BRIP1: variants seen among roughly 807,000 people sequenced by gnomAD.
BRIP1 encodes BRCA1 interacting DNA helicase 1.
BRIP1 carries 88 observed loss-of-function variants against 119.7 expected under a neutral mutation model. The ratio of observed to expected loss-of-function variants is 0.74; its 90% CI spans 0.62 to 0.88. The LOEUF is 0.88. Among genes scored for constraint, BRIP1 ranks in the 40% least tolerant of loss-of-function variants. The pLI is 0.00. For missense variants in BRIP1, 1,259 were observed against 1,455.4 expected, an observed-to-expected ratio of 0.87 and a Z score of 2.20; for synonymous variants, 443 against 496.5, an observed-to-expected ratio of 0.89 and a Z score of 1.43.
In BRIP1 at chr17:61,693,311, T is replaced by C; in HGVS notation, c.2575+119A>G. 1.1e-6 allele frequency: 1 copy of C among 918,404 alleles called. No individual in the cohort carries two copies. Among genetic ancestry groups the C allele is most frequent in the Non-Finnish European group, 1.8e-6 (1 of 570,062 alleles). 56.9% of individuals were successfully genotyped at this position (918,404 alleles called of 1,614,324 possible). A position where few individuals can be genotyped will look rare whatever the true frequency, so the allele number is the denominator to read the frequency against. On this transcript the variant is annotated intron_variant, in intron 18 of 19. Coordinates refer to ENST00000259008, the MANE Select transcript of BRIP1 (RefSeq NM_032043.3). This position sits in a 1 kb window ranked among gnomAD's most constrained non-coding sequence, Gnocchi z 4.2. Reference sequence around the variant, plus strand: ...CTGCTGTGAAATACTGTGCTTATAGTTAACAATATTGTACTGTGCACTTAA... The same window carrying C: ...CTGCTGTGAAATACTGTGCTTATAGCTAACAATATTGTACTGTGCACTTAA...
In BRIP1 at chr17:61,746,824, C is replaced by G. The variant is rs957648770; in HGVS notation, c.2098-2233G>C. Among the ~76,000 whole-genome samples, 4 of 152,038 alleles carry G rather than the reference C, an allele frequency of 2.6e-5. No individual in the cohort carries two copies. The highest frequency in any genetic ancestry group is 5.9e-5 in the Non-Finnish European group (4 of 67,970). ...ACAAGGAAACGGAACTTGAACAATA[C>G]TAGAGACCAGATGGACCTGACATAT... is the stretch of plus-strand genomic sequence containing the variant. On this transcript the variant is annotated intron_variant, in intron 14 of 19. Coordinates refer to ENST00000259008, the MANE Select transcript of BRIP1 (RefSeq NM_032043.3). This position sits in a 1 kb window ranked among gnomAD's most constrained non-coding sequence, Gnocchi z 4.9.
chr17:61,858,979 T>C (rs2078936341), intron 3 of BRIP1, among the ~76,000 whole-genome samples: 4 of 150,622 alleles, frequency 2.7e-5, no homozygotes, highest in South Asian at 2.1e-4. Flanking sequence ...GAGAATCACT[T>C]GAGCCTGGGA....
chr17:61,716,258 T>C (rs2061861346), intron 16 of BRIP1, among the ~76,000 whole-genome samples, 195 bp from the exon 17 acceptor site: 1 of 152,094 alleles, frequency 6.6e-6, no homozygotes, highest in Admixed American at 6.5e-5. Flanking sequence ...CTAATGCATA[T>C]AACTAATCAG....
rs545685244 is a variant in BRIP1 at position 61,687,974 on chromosome 17, T to C, written c.2576-1809A>G. On this transcript the variant is annotated intron_variant, in intron 18 of 19. Transcript: ENST00000259008. The surrounding 1 kb of genome is among the most constrained non-coding windows in gnomAD (Gnocchi z 5.1). The stretch of plus-strand genomic sequence containing the variant: ...CAGGGGCCACTAAGAACAAAAGCGC[T>C]GTGCAGCAAGTTTCTGCTCCACAGG... Among the ~76,000 whole-genome samples the C allele has an allele frequency of 1.3e-4, 20 of 152,312 alleles. No individual in the cohort carries two copies. In the East Asian group the frequency reaches 3.5e-3, roughly 26 times the overall value.
At chr17:61,801,815 A>T (rs1241302724) in intron 7 of BRIP1, among the ~76,000 whole-genome samples, 5 of 152,202 alleles carry the variant, frequency 3.3e-5, no homozygotes, top group African/African-American at 1.2e-4. Flanking sequence ...AAGGATTCAC[A>T]AAACAATGGT....
rs1430032759 is a variant in BRIP1, at chr17:61,753,694, T to C, written c.2098-9103A>G. Among the ~76,000 whole-genome samples, 2 of 151,742 alleles carry C rather than the reference T, an allele frequency of 1.3e-5. No homozygotes were observed. Among genetic ancestry groups the C allele is most frequent in the African/African-American group, 4.8e-5 (2 of 41,302 alleles). ...ACAGCTCATTGTAGCCTCACATTCC[T>C]GGGCTCAAGCGATCCTCCCACCTCA... On this transcript the variant is annotated intron_variant, in intron 14 of 19. Coordinates refer to ENST00000259008, the MANE Select transcript of BRIP1 (RefSeq NM_032043.3). The surrounding 1 kb of genome is among the most constrained non-coding windows in gnomAD (Gnocchi z 4.6).
chr17:61,756,925 T>G lies in BRIP1; in HGVS notation c.2098-12334A>C, dbSNP rs1236890943. On this transcript the variant is annotated intron_variant, in intron 14 of 19. Transcript: ENST00000259008. This position sits in a 1 kb window ranked among gnomAD's most constrained non-coding sequence, Gnocchi z 4.3. ...GCCAGTACTCAAGTCTTAATGCTTTTAATAGGCCTGCCTAAACAGACTACC... is the reference window on the plus strand; with the variant it reads ...GCCAGTACTCAAGTCTTAATGCTTTGAATAGGCCTGCCTAAACAGACTACC... 3.9e-5 allele frequency among the ~76,000 whole-genome samples: 6 copies of G among 152,248 alleles called. No individual in the cohort carries two copies. Among genetic ancestry groups the G allele is most frequent in the African/African-American group, 1.4e-4 (6 of 41,470 alleles).
In BRIP1 at chr17:61,809,744, G is replaced by T. The variant is rs985883448; in HGVS notation, c.628-987C>A. ...TGGTCATTGATGGGGAGGGAAAAAA[G>T]GTAAATAGCATTGTAACTTAAAAGA... On this transcript the variant is annotated intron_variant, in intron 6 of 19. Coordinates refer to ENST00000259008, the MANE Select transcript of BRIP1 (RefSeq NM_032043.3). This position sits in a 1 kb window ranked among gnomAD's most constrained non-coding sequence, Gnocchi z 5.2. 1.3e-5 allele frequency among the ~76,000 whole-genome samples: 2 copies of T among 151,910 alleles called. No individual in the cohort carries two copies. Among genetic ancestry groups the T allele is most frequent in the African/African-American group, 4.8e-5 (2 of 41,368 alleles).
At chr17:61,707,732 A>AT (rs940325695) in intron 17 of BRIP1, among the ~76,000 whole-genome samples, 23 of 151,432 alleles carry the variant, frequency 1.5e-4, no homozygotes, top group Non-Finnish European at 1.9e-4. Flanking sequence ...GGATATTAAG[A>AT]TTTTTTTTTG....
rs2077128621 is a variant in BRIP1, at chr17:61,751,334, G to T, written c.2098-6743C>A. Among the ~76,000 whole-genome samples the T allele has an allele frequency of 6.6e-6, 1 of 152,116 alleles. No individual in the cohort carries two copies. Among genetic ancestry groups the T allele is most frequent in the Admixed American group, 6.5e-5 (1 of 15,272 alleles). The stretch of plus-strand genomic sequence containing the variant: ...AGGTTACCAGGGCCTGAGGGAAGGG[G>T]CTAAACAGGAGTCATTGTTCCATCA... On this transcript the variant is annotated intron_variant, in intron 14 of 19. Transcript: ENST00000259008. This position sits in a 1 kb window ranked among gnomAD's most constrained non-coding sequence, Gnocchi z 6.7.
chr17:61,788,510 G>A (rs188692098), intron 10 of BRIP1, among the ~76,000 whole-genome samples: 1 of 152,270 alleles, frequency 6.6e-6, no homozygotes, highest in Admixed American at 6.5e-5. Flanking sequence ...ACAAAGGACA[G>A]CTGATACAAT....
In BRIP1 at chr17:61,753,187, AC is replaced by A. The variant is rs1223963680; in HGVS notation, c.2098-8597del. On this transcript the variant is annotated intron_variant, in intron 14 of 19. Coordinates refer to ENST00000259008, the MANE Select transcript of BRIP1 (RefSeq NM_032043.3). This position sits in a 1 kb window ranked among gnomAD's most constrained non-coding sequence, Gnocchi z 4.6. ...CCCTGGGACTCAGCAGAGAGTTCCC[AC>A]CAGCAAGAAGGCCCGCACCAGATGC... Among the ~76,000 whole-genome samples, 2 of 152,168 alleles carry A rather than the reference AC, an allele frequency of 1.3e-5. No individual in the cohort carries two copies. The highest frequency in any genetic ancestry group is 4.8e-5 in the African/African-American group (2 of 41,454).
rs1366552805 is a variant in BRIP1, at chr17:61,828,362, T to A, written c.627+18739A>T. 6.6e-6 allele frequency among the ~76,000 whole-genome samples: 1 copy of A among 152,082 alleles called. No individual in the cohort carries two copies. The highest frequency in any genetic ancestry group is 1.5e-5 in the Non-Finnish European group (1 of 68,026). ...GAGGTATCTAGAGTAGTCAAATTCA[T>A]AGAGACGGAAAGGAGAACGGCATTT... On this transcript the variant is annotated intron_variant, in intron 6 of 19. Transcript: ENST00000259008. This position sits in a 1 kb window ranked among gnomAD's most constrained non-coding sequence, Gnocchi z 4.1.
rs117681399 is a variant in BRIP1 at position 61,841,623 on chromosome 17, G to A, written c.627+5478C>T. On this transcript the variant is annotated intron_variant, in intron 6 of 19. Coordinates refer to ENST00000259008, the MANE Select transcript of BRIP1 (RefSeq NM_032043.3). This position sits in a 1 kb window ranked among gnomAD's most constrained non-coding sequence, Gnocchi z 4.1. ...AAATGTAAATTAGTACAGACATTAC[G>A]GAAAACAGCAATGGAGGCTTCTCAA... Among the ~76,000 whole-genome samples the A allele has an allele frequency of 0.017, 2,515 of 152,114 alleles. 27 individuals are homozygous for A. The highest frequency in any genetic ancestry group is 0.024 in the Non-Finnish European group (1,608 of 68,004).
At position 61,722,412 on chromosome 17, in the gene BRIP1, G is replaced by GT. The variant is rs1246823635; in HGVS notation, c.2380-6350dup. On this transcript the variant is annotated intron_variant, in intron 16 of 19. Coordinates refer to ENST00000259008, the MANE Select transcript of BRIP1 (RefSeq NM_032043.3). This position sits in a 1 kb window ranked among gnomAD's most constrained non-coding sequence, Gnocchi z 4.6. ...CACCATAGTAAATATTAGATGATAT[G>GT]TTAATACCCTCCCTGGAAATTCAGC... Among the ~76,000 whole-genome samples the GT allele has an allele frequency of 6.6e-6, 1 of 152,062 alleles. No individual in the cohort carries two copies. The highest frequency in any genetic ancestry group is 2.4e-5 in the African/African-American group (1 of 41,410).
chr17:61,849,509 CT>C (rs1468218001), intron 4 of BRIP1, among the ~76,000 whole-genome samples: 1 of 152,152 alleles, frequency 6.6e-6, no homozygotes, highest in Non-Finnish European at 1.5e-5. Context: ...TTGTAGACTA[CT>C]CCCAATAACA....
In BRIP1 at chr17:61,852,484, A is replaced by G. The variant is rs146261386; in HGVS notation, c.380-3228T>C. Among the ~76,000 whole-genome samples, 293 of 152,228 alleles carry G rather than the reference A, an allele frequency of 1.9e-3. No individual in the cohort carries two copies. Among genetic ancestry groups the G allele is most frequent in the African/African-American group, 6.6e-3 (276 of 41,560 alleles). On this transcript the variant is annotated intron_variant, in intron 4 of 19. Transcript: ENST00000259008. The surrounding 1 kb of genome is among the most constrained non-coding windows in gnomAD (Gnocchi z 4.9). Reference sequence around the variant, plus strand: ...GGAGTTAGAGATCAGCCTGGCCAACATGGTGAAACCCCATTTCTACTAAAA... The same window carrying G: ...GGAGTTAGAGATCAGCCTGGCCAACGTGGTGAAACCCCATTTCTACTAAAA...
At position 61,744,659 on chromosome 17, in the gene BRIP1, A is replaced by G; in HGVS notation, c.2098-68T>C. On this transcript the variant is annotated intron_variant, in intron 14 of 19. Transcript: ENST00000259008. This position sits in a 1 kb window ranked among gnomAD's most constrained non-coding sequence, Gnocchi z 5.0. ...TAAACAAACTTAACTTCATTTGTTTAAGCCAATGTGACTACGGCAAGTATA... is the reference window on the plus strand; with the variant it reads ...TAAACAAACTTAACTTCATTTGTTTGAGCCAATGTGACTACGGCAAGTATA... The G allele has an allele frequency of 7.2e-7, 1 of 1,395,146 alleles. No individual in the cohort carries two copies. Among genetic ancestry groups the G allele is most frequent in the Non-Finnish European group, 1.0e-6 (1 of 982,900 alleles). 86.4% of individuals were successfully genotyped at this position (1,395,146 alleles called of 1,614,324 possible).
Position 61,780,147 on chromosome 17 carries a change from G to C in BRIP1, c.1935+114C>G, listed in dbSNP as rs1248090420. On this transcript the variant is annotated intron_variant, in intron 13 of 19. Coordinates refer to ENST00000259008, the MANE Select transcript of BRIP1 (RefSeq NM_032043.3). This position sits in a 1 kb window ranked among gnomAD's most constrained non-coding sequence, Gnocchi z 5.4. Reference sequence around the variant, plus strand: ...TCTTTTATTGTAAAACTGGAATGTTGAATTTCCTACCAAGATTTACTTGCT... The same window carrying C: ...TCTTTTATTGTAAAACTGGAATGTTCAATTTCCTACCAAGATTTACTTGCT... The C allele has an allele frequency of 8.6e-7, 1 of 1,166,868 alleles. No individual in the cohort carries two copies. The highest frequency in any genetic ancestry group is 1.5e-5 in the African/African-American group (1 of 64,658). 72.3% of individuals were successfully genotyped at this position (1,166,868 alleles called of 1,614,324 possible). A position where few individuals can be genotyped will look rare whatever the true frequency, so the allele number is the denominator to read the frequency against.
Sources: allele counts gnomAD v4.1 joint callset (sites outside exome capture counted in the v4.1 genomes callset), GRCh38; gene constraint gnomAD v4.1.1; non-coding constraint Gnocchi (gnomAD v3.1); transcripts MANE v1.5; gene names NCBI Gene and HGNC (gene_info 2026-07-23, HGNC 2026-07-21).